The following GRM3 variants were observed in gnomAD, a reference collection of about 807,000 sequenced individuals.
GRM3 encodes the protein metabotropic glutamate receptor 3.
A neutral mutation model predicts 70.5 loss-of-function variants in GRM3; 26 were observed. The ratio of observed to expected loss-of-function variants is 0.37; its 90% CI spans 0.27 to 0.51. The LOEUF (loss-of-function observed/expected upper bound fraction) is 0.51, where lower values mean the gene tolerates loss of function less well. GRM3 is among the 20% of genes least tolerant of loss of function. The pLI is 0.93. For synonymous variants in GRM3, 443 were observed against 434.9 expected (o/e 1.02, Z -0.23); for missense variants, 859 against 1,123.8 (o/e 0.76, Z 3.37).
At chr7:86,695,288 G>C (rs942791363) in intron 1 of GRM3, among the ~76,000 whole-genome samples, 3 of 152,260 alleles carry the variant, frequency 2.0e-5, no homozygotes, top group Non-Finnish European at 4.4e-5. Flanking sequence ...TATGAAAAGA[G>C]TATCTGATTT....
intron 1 of GRM3, among the ~76,000 whole-genome samples, chr7:86,672,072 G>C (rs1272106111): frequency 1.3e-5 from 2 of 151,946 alleles, no homozygotes; most frequent in Non-Finnish European, 2.9e-5. Context: ...TCCACTCCTG[G>C]ATAAAAACTC....
intron 1 of GRM3, among the ~76,000 whole-genome samples, chr7:86,710,666 C>G (rs1212697374): frequency 6.6e-6 from 1 of 151,416 alleles, no homozygotes; most frequent in Non-Finnish European, 1.5e-5. Context: ...CCTAAATTTA[C>G]AGTGGAATGA....
chr7:86,688,802 C>T (rs546699869), intron 1 of GRM3, among the ~76,000 whole-genome samples: 5,302 of 146,024 alleles, frequency 0.036, 323 homozygotes, highest in African/African-American at 0.13. Flanking sequence ...TGATATATAT[C>T]TCTCACACAT....
intron 3 of GRM3, among the ~76,000 whole-genome samples, chr7:86,824,486 CAT>C (rs1409886180): frequency 6.6e-5 from 10 of 152,062 alleles, no homozygotes; most frequent in African/African-American, 1.9e-4. Context: ...AGGGGGGTAA[CAT>C]ATACAGTATG....
intron 5 of GRM3, among the ~76,000 whole-genome samples, chr7:86,856,803 TA>T (rs1798858470): frequency 6.6e-6 from 1 of 152,196 alleles, no homozygotes; most frequent in South Asian, 2.1e-4. Flanking sequence ...TTCCATCCCT[TA>T]AATCATTCTC....
intron 1 of GRM3, among the ~76,000 whole-genome samples, chr7:86,705,949 A>G (rs1456113955): frequency 1.1e-5 from 1 of 89,908 alleles, no homozygotes; most frequent in Admixed American, 9.6e-5. Context: ...AGTAAACACA[A>G]AAGTGTCAAA....
intron 1 of GRM3, among the ~76,000 whole-genome samples, chr7:86,647,955 A>G (rs1427094403): frequency 6.6e-6 from 1 of 152,234 alleles, no homozygotes; most frequent in Non-Finnish European, 1.5e-5. Context: ...TTGTTGTGAT[A>G]TTCAGCTTAA....
chr7:86,812,452 G>C (rs1797928758), intron 3 of GRM3, among the ~76,000 whole-genome samples: 1 of 151,762 alleles, frequency 6.6e-6, no homozygotes, highest in African/African-American at 2.4e-5. Flanking sequence ...ATCAGTATTA[G>C]TTCTGACGCC....
chr7:86,761,389 G>A (rs1562851911), intron 1 of GRM3, among the ~76,000 whole-genome samples: 1 of 152,048 alleles, frequency 6.6e-6, no homozygotes, highest in East Asian at 1.9e-4. Context: ...AAGTACAAAG[G>A]CAGTATTTTT....
intron 4 of GRM3, among the ~76,000 whole-genome samples, chr7:86,849,189 T>C (rs770258040): frequency 6.6e-6 from 1 of 152,134 alleles, no homozygotes; most frequent in Non-Finnish European, 1.5e-5. Context: ...ATTATACATA[T>C]ACGTAGAAAA....
chr7:86,850,112 A>G (rs2115563106), intron 4 of GRM3, among the ~76,000 whole-genome samples: 1 of 152,310 alleles, frequency 6.6e-6, no homozygotes, highest in Non-Finnish European at 1.5e-5. Context: ...AACAAACAAG[A>G]AAATCCATGT....
intron 5 of GRM3, among the ~76,000 whole-genome samples, chr7:86,852,988 A>G (rs964781016): frequency 2.6e-5 from 4 of 152,168 alleles, no homozygotes; most frequent in Non-Finnish European, 5.9e-5. Context: ...ATATCAAGAA[A>G]TTTATTCATT....
At chr7:86,704,139 C>A (rs966316202) in intron 1 of GRM3, among the ~76,000 whole-genome samples, 7 of 151,876 alleles carry the variant, frequency 4.6e-5, no homozygotes, top group Non-Finnish European at 1.0e-4. Flanking sequence ...TTAAATAGTA[C>A]AACCAAATAT....
At chr7:86,765,703 T>A (rs1200466000) in intron 2 of GRM3, 90 bp downstream of exon 2, 1 of 1,002,674 alleles carries the variant, frequency 1.0e-6, no homozygotes, top group Non-Finnish European at 1.5e-6. Flanking sequence ...AATAACGTCA[T>A]CAACGGATTA....
chr7:86,727,078 G>T (rs1165224496), intron 1 of GRM3, among the ~76,000 whole-genome samples: 2 of 152,134 alleles, frequency 1.3e-5, no homozygotes, highest in African/African-American at 2.4e-5. Flanking sequence ...CTTTCCTAGG[G>T]AAATTAAATA....
intron 1 of GRM3, among the ~76,000 whole-genome samples, chr7:86,728,626 C>T (rs1057374904): frequency 3.3e-5 from 5 of 152,176 alleles, no homozygotes; most frequent in Non-Finnish European, 5.9e-5. Flanking sequence ...CATCTTCCCT[C>T]CTCTTGACAG....
rs2116549624 is a variant in GRM3, at chr7:86,786,974, G to A, written c.1182G>A (p.Val394=). The A allele has an allele frequency of 6.2e-7, 1 of 1,614,170 alleles. No individual in the cohort carries two copies. The highest frequency in any genetic ancestry group is 8.5e-7 in the Non-Finnish European group (1 of 1,180,006). ...AAGAGTCCAAGATCATGTTTGTGGT[G>A]AACGCGGTGTATGCCATGGCCCACG... ...YEQESKIMFV[V]NAVYAMAHAL... Residue 394 remains valine (V), a synonymous_variant, in exon 3 of 6, where the codon GTG becomes GTA. Transcript: ENST00000361669. The surrounding 1 kb of genome is among the most constrained non-coding windows in gnomAD (Gnocchi z 6.0).
chr7:86,825,486 T>C (rs529418967), intron 3 of GRM3, among the ~76,000 whole-genome samples: 96 of 152,356 alleles, frequency 6.3e-4, no homozygotes, highest in African/African-American at 2.3e-3. Flanking sequence ...AGGAGACACA[T>C]GACAACTTAA....
chr7:86,762,633 C>G, intron 1 of GRM3, among the ~76,000 whole-genome samples: 1 of 152,154 alleles, frequency 6.6e-6, no homozygotes, highest in South Asian at 2.1e-4. Context: ...ATAGCAATAG[C>G]AAACATTTCT....
Sources: gnomAD v4.1 joint callset for allele counts (sites outside exome capture counted in the v4.1 genomes callset) on GRCh38, gnomAD v4.1.1 for gene constraint, Gnocchi (gnomAD v3.1) non-coding constraint, MANE v1.5 for transcripts, NCBI Gene and HGNC (gene_info 2026-07-23, HGNC 2026-07-21) for gene names.